The following C16orf89 variants were observed in gnomAD, a reference collection of about 807,000 sequenced individuals.
The protein encoded by C16orf89 is UPF0764 protein C16orf89.
A neutral mutation model predicts 41.5 loss-of-function variants in C16orf89; 57 were observed. That is an observed-to-expected ratio of 1.38 (90% CI 1.11 to 1.71). The LOEUF (loss-of-function observed/expected upper bound fraction) is 1.71. Ranked by LOEUF, C16orf89 falls within the 40% of genes most tolerant of loss-of-function variation. The probability of loss-of-function intolerance (pLI) is 0.00; values close to 1 mark genes in which losing one functional copy is unlikely to be tolerated. For synonymous variants in C16orf89, 223 were observed against 190.6 expected, an observed-to-expected ratio of 1.17 and a Z score of -1.40; for missense variants, 575 against 445.9, an observed-to-expected ratio of 1.29 and a Z score of -2.61.
chr16:5,055,700 G>A, intron 5 of C16orf89: 1 of 1,535,786 alleles, frequency 6.5e-7, no homozygotes, highest in Non-Finnish European at 8.7e-7. Flanking sequence ...GTCCATCTGT[G>A]TAGAGCTCCG....
At chr16:5,064,247 A>T (rs1350299970) in intron 1 of C16orf89, among the ~76,000 whole-genome samples, 2 of 152,212 alleles carry the variant, frequency 1.3e-5, no homozygotes, top group African/African-American at 4.8e-5. Context: ...GCTTTCCACA[A>T]AACCAGTCCC....
At position 5,056,192 on chromosome 16, in the gene C16orf89, G is replaced by T; in HGVS notation, c.628-4C>A. The T allele has an allele frequency of 1.3e-6, 2 of 1,582,726 alleles. No individual in the cohort carries two copies. Among genetic ancestry groups the T allele is most frequent in the Middle Eastern group, 1.7e-4 (1 of 5,948 alleles). ...GTGGTCCCTGTGTGCACCCCCTCTG[G>T]GGAGACAAACACCCAAAGACAAGGG... On this transcript the variant is annotated splice_polypyrimidine_tract_variant and splice_region_variant and intron_variant, in intron 4 of 7. Transcript: ENST00000472572.
chr16:5,057,900 G>C (rs1451675859), intron 4 of C16orf89, among the ~76,000 whole-genome samples: 1 of 151,874 alleles, frequency 6.6e-6, no homozygotes, highest in Non-Finnish European at 1.5e-5. Context: ...CTCTCTCGTT[G>C]TGTTTTTCTG....
intron 3 of C16orf89, among the ~76,000 whole-genome samples, chr16:5,059,815 C>T (rs1046032324): frequency 6.6e-6 from 1 of 151,578 alleles, no homozygotes; most frequent in Non-Finnish European, 1.5e-5. Flanking sequence ...CACAGGAGGT[C>T]TGCTATGTGC....
chr16:5,057,128 C>T (rs1204104604), intron 4 of C16orf89, among the ~76,000 whole-genome samples: 2 of 151,362 alleles, frequency 1.3e-5, no homozygotes, highest in Non-Finnish European at 2.9e-5. Flanking sequence ...ATCCCAGCTA[C>T]TTGGGAGGCT....
At chr16:5,055,804 A>C (rs1222425385) in intron 5 of C16orf89, 1 of 1,445,212 alleles carries the variant, frequency 6.9e-7, no homozygotes, top group Non-Finnish European at 9.4e-7. Context: ...ATAAACAATG[A>C]ATATAATTTT....
At chr16:5,052,138 A>G (rs1956410011) in intron 6 of C16orf89, among the ~76,000 whole-genome samples, 1 of 151,900 alleles carries the variant, frequency 6.6e-6, no homozygotes, top group Admixed American at 6.6e-5. Context: ...AAAGAAAAGA[A>G]AAAAGGCAAA....
At chr16:5,061,265 A>AT in intron 2 of C16orf89, among the ~76,000 whole-genome samples, 1 of 33,530 alleles carries the variant, frequency 3.0e-5, no homozygotes, top group Non-Finnish European at 7.0e-5. Flanking sequence ...CCATCTCAAG[A>AT]AAAAAAAAAA....
At position 5,055,246 on chromosome 16, in the gene C16orf89, C is replaced by G. The variant is rs1312929378; in HGVS notation, c.868G>C (p.Asp290His). The G allele has an allele frequency of 1.2e-6, 2 of 1,606,578 alleles. No homozygotes were observed. The highest frequency in any genetic ancestry group is 1.7e-6 in the Non-Finnish European group (2 of 1,174,746). ...KQQEGCFGEP[D>H]AEDEELSKAI... is the part of the protein sequence containing the mutation. ...TAGCCAGGGCAGCAGCGCAGCTCACCAGGCTCCCCGAAGCATCCTTCCTGC... is the reference window on the plus strand; with the variant it reads ...TAGCCAGGGCAGCAGCGCAGCTCACGAGGCTCCCCGAAGCATCCTTCCTGC... The change falls in exon 6 of 8, where the codon GAT becomes CAT. Residue 290 changes from aspartate to histidine, a missense_variant and splice_region_variant. By Grantham distance (81) the Asp-to-His change is moderately conservative. Transcript: ENST00000472572.
intron 6 of C16orf89, among the ~76,000 whole-genome samples, chr16:5,050,603 T>C (rs1956378255): frequency 7.9e-5 from 12 of 152,098 alleles, no homozygotes; most frequent in Admixed American, 7.9e-4. Flanking sequence ...GTCCAGAAAA[T>C]TGAAGAGGAG....
intron 6 of C16orf89, among the ~76,000 whole-genome samples, chr16:5,048,278 T>C (rs947157953): frequency 2.0e-5 from 3 of 152,140 alleles, no homozygotes; most frequent in African/African-American, 7.2e-5. Flanking sequence ...CAAGTGACCC[T>C]CCAGCCTTGG....
At position 5,049,140 on chromosome 16, in the gene C16orf89, G is replaced by A. The variant is rs183286376; in HGVS notation, c.869-1176C>T. On this transcript the variant is annotated intron_variant, in intron 6 of 7. Transcript: ENST00000472572. ...AAAGAAGGTCATTATATAATGATAAGGAATTTAGCAAGAGGACATAACAAT... is the reference window on the plus strand; with the variant it reads ...AAAGAAGGTCATTATATAATGATAAAGAATTTAGCAAGAGGACATAACAAT... 2.1e-3 allele frequency among the ~76,000 whole-genome samples: 314 copies of A among 152,258 alleles called. 4 individuals carry two copies. Among genetic ancestry groups the A allele is most frequent in the African/African-American group, 4.4e-3 (182 of 41,560 alleles).
At chr16:5,055,498 G>T in intron 5 of C16orf89, 148 bp from the exon 6 acceptor site, 1 of 951,214 alleles carries the variant, frequency 1.1e-6, no homozygotes, top group Non-Finnish European at 1.6e-6. Context: ...GAAGGAGGCA[G>T]CTTGAGCCTT....
intron 3 of C16orf89, 29 bp downstream of exon 3, chr16:5,060,257 C>A (rs767090273): frequency 9.3e-5 from 147 of 1,579,874 alleles, no homozygotes; most frequent in Admixed American, 1.9e-4. Context: ...GTTTGGGTTT[C>A]CAGCAAATAG....
chr16:5,058,535 G>A lies in C16orf89; in HGVS notation c.585C>T (p.Tyr195=). 1 of 1,612,596 alleles carries A rather than the reference G, an allele frequency of 6.2e-7. No homozygotes were observed. Among genetic ancestry groups the A allele is most frequent in the East Asian group, 2.2e-5 (1 of 44,586 alleles). ...SLMTKPGCSG[Y]CLSHQLLFFL... is the part of the protein sequence containing the mutation. ...AGAAGAGCAGTTGGTGGGACAGGCA[G>A]TAGCCTGAGCAGCCGGGCTTGGTCA... Residue 195 remains tyrosine, a synonymous_variant, in exon 4 of 8, where the codon TAC becomes TAT. Coordinates refer to ENST00000472572, the MANE Select transcript of C16orf89 (RefSeq NM_001098514.3).
intron 6 of C16orf89, among the ~76,000 whole-genome samples, chr16:5,052,535 G>A (rs1038014561): frequency 3.3e-5 from 5 of 151,978 alleles, no homozygotes; most frequent in African/African-American, 1.2e-4. Context: ...AGGTTGCAGT[G>A]AGCCGAGATC....
At chr16:5,043,305 T>C, downstream of C16orf89, 1 of 153,604 alleles carries the variant, frequency 6.5e-6, no homozygotes, top group Non-Finnish European at 1.4e-5. Context: ...TCCTCCCACC[T>C]CAGCCTCCCA....
intron 7 of C16orf89, among the ~76,000 whole-genome samples, chr16:5,045,017 A>C (rs1956269896): frequency 6.6e-6 from 1 of 152,072 alleles, no homozygotes; most frequent in African/African-American, 2.4e-5. Flanking sequence ...CAATACAGGG[A>C]TACAAAAGCC....
At chr16:5,044,584 T>G in intron 7 of C16orf89, 106 bp from the exon 8 acceptor site, 1 of 1,538,658 alleles carries the variant, frequency 6.5e-7, no homozygotes, top group Non-Finnish European at 8.7e-7. Flanking sequence ...GGCTCACACC[T>G]ATAATCCCAC....
Sources: gnomAD v4.1 joint callset for allele counts (sites outside exome capture counted in the v4.1 genomes callset) on GRCh38, gnomAD v4.1.1 for gene constraint, MANE v1.5 for transcripts, NCBI Gene and HGNC (gene_info 2026-07-23, HGNC 2026-07-21) for gene names.